The following FSD1L variants were observed in gnomAD, a reference collection of about 807,000 sequenced individuals.
FSD1L encodes the protein FSD1-like protein.
FSD1L carries 45 observed loss-of-function variants against 71.6 expected under a neutral mutation model. The observed-to-expected ratio is 0.63, with a 90% CI of 0.49 to 0.81. The LOEUF is 0.81. Among genes scored for constraint, FSD1L ranks in the 30% least tolerant of loss-of-function variants. The pLI, the probability that FSD1L is intolerant of heterozygous loss-of-function variation, is 0.00. For missense variants in FSD1L, 561 were observed against 618.1 expected (o/e 0.91, Z 0.98); for synonymous variants, 197 against 207.2 (o/e 0.95, Z 0.42).
chr9:105,520,881 T>A, intron 10 of FSD1L: 1 of 1,612,238 alleles, frequency 6.2e-7, no homozygotes, highest in Non-Finnish European at 8.5e-7. Flanking sequence ...CACAAGCTAT[T>A]TTCTTGAAGC....
At chr9:105,468,564 G>A (rs1237842196) in intron 4 of FSD1L, among the ~76,000 whole-genome samples, 3 of 147,544 alleles carry the variant, frequency 2.0e-5, no homozygotes, top group Non-Finnish European at 4.5e-5. Flanking sequence ...GAGTGATCTT[G>A]GTTCATTGCA....
At chr9:105,525,602 T>C in intron 10 of FSD1L, 16 of 1,612,946 alleles carry the variant, frequency 9.9e-6, no homozygotes, top group Non-Finnish European at 1.4e-5. Context: ...AGCTTTCATC[T>C]CCTGAAGAAA....
chr9:105,514,292 T>C (rs1269608191), intron 10 of FSD1L, among the ~76,000 whole-genome samples: 2 of 152,250 alleles, frequency 1.3e-5, no homozygotes, highest in Non-Finnish European at 2.9e-5. Flanking sequence ...TTTAATAGTC[T>C]ATGAGTAGAC....
At chr9:105,524,420 A>C (rs964645764) in intron 10 of FSD1L, 5 of 1,613,508 alleles carry the variant, frequency 3.1e-6, no homozygotes, top group Non-Finnish European at 3.4e-6. Flanking sequence ...GGTTGGTAGT[A>C]TCTTTACTTC....
intron 10 of FSD1L, among the ~76,000 whole-genome samples, chr9:105,518,452 ACAGT>A (rs1222511501): frequency 2.0e-5 from 3 of 152,232 alleles, no homozygotes; most frequent in Admixed American, 1.3e-4. Flanking sequence ...GGAAATCATA[ACAGT>A]CAGTCTCTCA....
intron 10 of FSD1L, chr9:105,531,009 A>C (rs1267359668): frequency 6.4e-6 from 1 of 156,732 alleles, no homozygotes; most frequent in African/African-American, 2.4e-5. Context: ...GCCGTAACCA[A>C]TAAGCGCTAA....
chr9:105,493,794 A>C (rs1833136392), intron 7 of FSD1L, among the ~76,000 whole-genome samples: 1 of 152,144 alleles, frequency 6.6e-6, no homozygotes. Flanking sequence ...TTCTGGGTTG[A>C]AAATTCTTTT....
intron 11 of FSD1L, among the ~76,000 whole-genome samples, 158 bp from the exon 12 acceptor site, chr9:105,534,909 G>T (rs1446199591): frequency 6.6e-6 from 1 of 152,158 alleles, no homozygotes; most frequent in Non-Finnish European, 1.5e-5. Flanking sequence ...GTTAGAGCAG[G>T]TACTCAGCAT....
At chr9:105,500,098 A>T (rs1833675657) in intron 7 of FSD1L, among the ~76,000 whole-genome samples, 1 of 152,152 alleles carries the variant, frequency 6.6e-6, no homozygotes, top group African/African-American at 2.4e-5. Flanking sequence ...TCTCCATTTT[A>T]TGCTCTCTGC....
rs1054125633 is a variant in FSD1L at position 105,547,397 on chromosome 9, A to T, written c.*914A>T. 6.6e-6 allele frequency: 1 copy of T among 152,518 alleles called. No individual in the cohort carries two copies. Among genetic ancestry groups the T allele is most frequent in the Non-Finnish European group, 1.5e-5 (1 of 67,952 alleles). The allele number at this position is 152,518 out of a possible 1,614,324, so 9.4% of individuals were successfully genotyped here. On this transcript the variant is annotated 3_prime_UTR_variant, in exon 14 of 14. Coordinates refer to ENST00000481272, the MANE Select transcript of FSD1L (RefSeq NM_001145313.3). Reference sequence around the variant, plus strand: ...TTTATTAAAGTTACATAGAGGATTGAAAAATGTATATCACTCAATTTTTAT... The same window carrying T: ...TTTATTAAAGTTACATAGAGGATTGTAAAATGTATATCACTCAATTTTTAT...
Position 105,550,430 on chromosome 9 carries a change from T to C in FSD1L, c.*3947T>C, listed in dbSNP as rs1219708795. ...AAAGTTGTTATTTTTAACCAAAATA[T>C]ACATTTCATAATGTTGGCACTGGAG... On this transcript the variant is annotated 3_prime_UTR_variant, in exon 14 of 14. Coordinates refer to ENST00000481272, the MANE Select transcript of FSD1L (RefSeq NM_001145313.3). The C allele has an allele frequency of 6.6e-6, 1 of 152,026 alleles. No homozygotes were observed. The highest frequency in any genetic ancestry group is 1.5e-5 in the Non-Finnish European group (1 of 67,928). 9.4% of individuals were successfully genotyped at this position (152,026 alleles called of 1,614,324 possible).
At chr9:105,465,875 CTT>C (rs369033551) in intron 3 of FSD1L, among the ~76,000 whole-genome samples, 15 of 144,272 alleles carry the variant, frequency 1.0e-4, no homozygotes, top group Non-Finnish European at 9.2e-5. Context: ...ACTCTCACCA[CTT>C]TTTTTTTTTT....
chr9:105,516,382 TG>T (rs1180932862), intron 10 of FSD1L, among the ~76,000 whole-genome samples: 17 of 152,154 alleles, frequency 1.1e-4, no homozygotes, highest in Admixed American at 3.9e-4. Context: ...TTGACCCCCG[TG>T]AATCCTGACT....
At chr9:105,510,882 T>C (rs1834352834) in intron 9 of FSD1L, among the ~76,000 whole-genome samples, 1 of 152,132 alleles carries the variant, frequency 6.6e-6, no homozygotes, top group Non-Finnish European at 1.5e-5. Context: ...ATCTGTACTC[T>C]GATTTTTGGT....
At chr9:105,495,653 G>A (rs76282573) in intron 7 of FSD1L, among the ~76,000 whole-genome samples, 2,435 of 152,206 alleles carry the variant, frequency 0.016, 105 homozygotes, top group East Asian at 0.1. Context: ...GCTCCAGCTC[G>A]GGTTGTTTCT....
chr9:105,463,144 A>G (rs1830827521), intron 2 of FSD1L, among the ~76,000 whole-genome samples: 1 of 11,990 alleles, frequency 8.3e-5, no homozygotes, highest in African/African-American at 1.9e-4. Context: ...CTGTCTCGAG[A>G]AAAAAAACTT....
chr9:105,465,824 A>G (rs747030759), intron 3 of FSD1L, among the ~76,000 whole-genome samples: 26 of 152,322 alleles, frequency 1.7e-4, no homozygotes, highest in African/African-American at 5.5e-4. Context: ...TGAGAAGTCA[A>G]AAGCTTTTTC....
At chr9:105,463,608 G>A (rs1162253712) in intron 2 of FSD1L, among the ~76,000 whole-genome samples, 2 of 152,176 alleles carry the variant, frequency 1.3e-5, no homozygotes, top group Non-Finnish European at 2.9e-5. Flanking sequence ...CATCACAGTG[G>A]AAAATTTTAT....
Position 105,506,603 on chromosome 9 carries a change from T to C in FSD1L, c.791T>C (p.Leu264Pro). 1 of 1,534,590 alleles carries C rather than the reference T, an allele frequency of 6.5e-7. No homozygotes were observed. Among genetic ancestry groups the C allele is most frequent in the Non-Finnish European group, 8.8e-7 (1 of 1,131,686 alleles). ...IDNIKGTEYTLSGLKFDSKYM... is the reference protein window; with the variant it reads ...IDNIKGTEYTPSGLKFDSKYM... ...AATATTAAGGGTACTGAATATACAC[T>C]ATCAGGTAACATGACTGCATTTTAG... Residue 264 changes from leucine to proline, a missense_variant, in exon 8 of 14, where the codon CTA becomes CCA. Leu to Pro is a moderately conservative substitution (Grantham distance 98). Coordinates refer to ENST00000481272, the MANE Select transcript of FSD1L (RefSeq NM_001145313.3).
Sources: gnomAD v4.1 joint callset for allele counts (sites outside exome capture counted in the v4.1 genomes callset) on GRCh38, gnomAD v4.1.1 for gene constraint, MANE v1.5 for transcripts, NCBI Gene and HGNC (gene_info 2026-07-23, HGNC 2026-07-21) for gene names.